Variants in BCL2 observed in about 807,000 individuals in gnomAD.
BCL2 encodes BCL2 apoptosis regulator.
BCL2 carries 1 observed loss-of-function variant against 14.2 expected under a neutral mutation model. The observed-to-expected ratio is 0.07, with a 90% CI of 0.02 to 0.33. The LOEUF is 0.33. BCL2 is among the 10% of genes least tolerant of loss of function. The pLI is 0.99. For synonymous variants in BCL2, 151 were observed against 137.2 expected, an observed-to-expected ratio of 1.10 and a Z score of -0.70; for missense variants, 247 against 305.9, an observed-to-expected ratio of 0.81 and a Z score of 1.44.
intron 2 of BCL2, among the ~76,000 whole-genome samples, chr18:63,252,255 C>T (rs1026441515): frequency 6.6e-6 from 1 of 152,154 alleles, no homozygotes; most frequent in Non-Finnish European, 1.5e-5. Context: ...CTTTAACATT[C>T]GTGTCACATC....
intron 2 of BCL2, among the ~76,000 whole-genome samples, chr18:63,256,729 A>C (rs1911488216): frequency 6.6e-6 from 1 of 152,146 alleles, no homozygotes; most frequent in African/African-American, 2.4e-5. Flanking sequence ...GGGTCACAAA[A>C]TAGGGCGATC....
At chr18:63,292,239 AAAAAT>A (rs1244075183) in intron 2 of BCL2, among the ~76,000 whole-genome samples, 1 of 151,978 alleles carries the variant, frequency 6.6e-6, no homozygotes, top group Non-Finnish European at 1.5e-5. Flanking sequence ...AAAAAAAAAA[AAAAAT>A]CATGCCCAAT....
intron 2 of BCL2, among the ~76,000 whole-genome samples, chr18:63,222,639 T>C (rs1016576734): frequency 1.3e-5 from 2 of 152,122 alleles, no homozygotes; most frequent in African/African-American, 4.8e-5. Context: ...AAACAGGCCA[T>C]CAGTGAACCG....
intron 2 of BCL2, among the ~76,000 whole-genome samples, chr18:63,296,711 T>C (rs1342147772): frequency 6.6e-6 from 1 of 152,172 alleles, no homozygotes; most frequent in African/African-American, 2.4e-5. Flanking sequence ...AGGCCTTCCC[T>C]GCCCAGCTCA....
intron 2 of BCL2, among the ~76,000 whole-genome samples, chr18:63,212,352 C>A (rs75765123): frequency 0.052 from 7,422 of 143,784 alleles, 329 homozygotes; most frequent in African/African-American, 0.078. Flanking sequence ...ACAACAACAA[C>A]AAAAAAAACA....
At chr18:63,190,773 T>C (rs1368868228) in intron 2 of BCL2, among the ~76,000 whole-genome samples, 1 of 152,058 alleles carries the variant, frequency 6.6e-6, no homozygotes, top group African/African-American at 2.4e-5. Context: ...ACGTGTGCCA[T>C]GGTGGTTTGC....
intron 2 of BCL2, among the ~76,000 whole-genome samples, chr18:63,216,446 C>CTGCTAAGG (rs1412836934): frequency 2.0e-5 from 3 of 148,964 alleles, no homozygotes; most frequent in Non-Finnish European, 4.5e-5. Context: ...TTAGGAAGAA[C>CTGCTAAGG]TGCTAAGGCT....
At chr18:63,185,387 A>G (rs1435205728) in intron 2 of BCL2, among the ~76,000 whole-genome samples, 2 of 152,254 alleles carry the variant, frequency 1.3e-5, no homozygotes, top group Non-Finnish European at 2.9e-5. Context: ...GGGTAGGAAC[A>G]AAGTGCTTGA....
intron 2 of BCL2, among the ~76,000 whole-genome samples, chr18:63,190,090 T>G (rs1909247725): frequency 6.6e-6 from 1 of 152,292 alleles, no homozygotes; most frequent in African/African-American, 2.4e-5. Context: ...ATCATAAATC[T>G]TCTCTTCACT....
At position 63,140,420 on chromosome 18, in the gene BCL2, A is replaced by G. The variant is rs1914324447; in HGVS notation, c.586-11661T>C. Among the ~76,000 whole-genome samples the G allele has an allele frequency of 2.0e-5, 3 of 152,236 alleles. No homozygotes were observed. In the South Asian group the frequency reaches 6.2e-4, roughly 31 times the overall value. On this transcript the variant is annotated intron_variant, in intron 2 of 2. Transcript: ENST00000333681. ...ATATCCACTAACTGATGAACAAATA[A>G]ACAAAATGTGGTCTACCCACATAAT...
chr18:63,130,304 C>G (rs1914029737), intron 2 of BCL2, among the ~76,000 whole-genome samples: 1 of 152,180 alleles, frequency 6.6e-6, no homozygotes, highest in Admixed American at 6.5e-5. Context: ...TTACAGGAAA[C>G]AGTAACATAC....
chr18:63,167,525 ATCCTAGTGC>A (rs1360865973), intron 2 of BCL2, among the ~76,000 whole-genome samples: 1 of 152,140 alleles, frequency 6.6e-6, no homozygotes. Context: ...CATGACTATC[ATCCTAGTGC>A]TTTGGGAGGC....
intron 2 of BCL2, among the ~76,000 whole-genome samples, chr18:63,240,779 T>C (rs1474514287): frequency 3.3e-5 from 5 of 152,196 alleles, no homozygotes; most frequent in Non-Finnish European, 7.3e-5. Flanking sequence ...TGGTCAGAGG[T>C]AAAGATGAAT....
chr18:63,150,187 A>G (rs1170329618), intron 2 of BCL2, among the ~76,000 whole-genome samples: 3 of 152,230 alleles, frequency 2.0e-5, no homozygotes, highest in Non-Finnish European at 4.4e-5. Context: ...CCAGCCTGAC[A>G]TGAGGCTTTT....
chr18:63,178,646 T>G (rs944980067), intron 2 of BCL2, among the ~76,000 whole-genome samples: 1 of 152,080 alleles, frequency 6.6e-6, no homozygotes, highest in Non-Finnish European at 1.5e-5. Context: ...CCAGACTCAC[T>G]TGGGTCTGAT....
intron 2 of BCL2, among the ~76,000 whole-genome samples, chr18:63,178,781 C>A (rs1439872549): frequency 6.6e-6 from 1 of 151,942 alleles, no homozygotes; most frequent in African/African-American, 2.4e-5. Flanking sequence ...CCTTCCCACC[C>A]CCAACCTCCC....
intron 2 of BCL2, among the ~76,000 whole-genome samples, chr18:63,225,079 A>T (rs557333512): frequency 2.4e-4 from 37 of 152,278 alleles, no homozygotes; most frequent in Admixed American, 5.2e-4. Context: ...TACTAATGTG[A>T]TCAGCTTTGT....
At chr18:63,248,525 A>G (rs1379900433) in intron 2 of BCL2, among the ~76,000 whole-genome samples, 1 of 152,238 alleles carries the variant, frequency 6.6e-6, no homozygotes, top group Non-Finnish European at 1.5e-5. Context: ...CTCCTGAATG[A>G]AACTTCCCAT....
rs766086754 is a variant in BCL2 at position 63,230,089 on chromosome 18, G to A, written c.585+87993C>T. Among the ~76,000 whole-genome samples the A allele has an allele frequency of 1.4e-4, 21 of 152,096 alleles. 1 individual carries two copies. Among genetic ancestry groups the A allele is most frequent in the Non-Finnish European group, 5.9e-5 (4 of 68,008 alleles). On this transcript the variant is annotated intron_variant, in intron 2 of 2. Coordinates refer to ENST00000333681, the MANE Select transcript of BCL2 (RefSeq NM_000633.3). ...TACCCAATAAATAGAGAATGCACAT[G>A]AAATGTTCATAAAAATTGAACAGGT... is the stretch of plus-strand genomic sequence containing the variant.
Sources: allele counts gnomAD v4.1 joint callset (sites outside exome capture counted in the v4.1 genomes callset), GRCh38; gene constraint gnomAD v4.1.1; transcripts MANE v1.5; gene names NCBI Gene and HGNC (gene_info 2026-07-23, HGNC 2026-07-21).